The following C8orf89 variants were observed in gnomAD, a reference collection of about 807,000 sequenced individuals.
The protein encoded by C8orf89 is chromosome 8 open reading frame 89, also known as putative uncharacterized protein C8orf89.
A neutral mutation model predicts 15.8 loss-of-function variants in C8orf89; 14 were observed. That is an observed-to-expected ratio of 0.89 (90% CI 0.59 to 1.39). The LOEUF (loss-of-function observed/expected upper bound fraction) is 1.39, where lower values mean the gene tolerates loss of function less well. C8orf89 is among the 40% of genes most tolerant of loss of function. C8orf89 has a pLI of 0.00. For missense variants in C8orf89, 181 were observed against 184.5 expected, an observed-to-expected ratio of 0.98 and a Z score of 0.11; for synonymous variants, 55 against 62.2, an observed-to-expected ratio of 0.88 and a Z score of 0.54.
intron 3 of C8orf89, among the ~76,000 whole-genome samples, chr8:73,241,928 T>A (rs935607380): frequency 6.6e-6 from 1 of 152,092 alleles, no homozygotes; most frequent in African/African-American, 2.4e-5. Flanking sequence ...TTATGGATAT[T>A]ATAAAACTGG....
chr8:73,251,868 A>G (rs1813257258), intron 2 of C8orf89, among the ~76,000 whole-genome samples: 1 of 152,072 alleles, frequency 6.6e-6, no homozygotes, highest in Admixed American at 6.6e-5. Flanking sequence ...AGCCCTGCAC[A>G]CTCCTACCTC....
intron 2 of C8orf89, among the ~76,000 whole-genome samples, chr8:73,255,163 C>T (rs1303848718): frequency 6.6e-5 from 10 of 151,964 alleles, no homozygotes; most frequent in African/African-American, 2.4e-4. Context: ...AAAGAAACTA[C>T]CATCAGAGTG....
upstream of C8orf89, among the ~76,000 whole-genome samples, chr8:73,260,818 T>A (rs1813511540): frequency 6.6e-6 from 1 of 152,076 alleles, no homozygotes. Flanking sequence ...TCTGTGAGGG[T>A]GTTGTCAAAA....
Position 73,241,607 on chromosome 8 carries a change from TGGA to T in C8orf89, c.338-5_338-3del. ...TGAGAGGATCACTGAAGCCAGAACCTGGAGGAGGAGGTGGGGAGTCAGCTATTA... is the reference window on the plus strand; with the variant it reads ...TGAGAGGATCACTGAAGCCAGAACCTGGAGGAGGTGGGGAGTCAGCTATTA... On this transcript the variant is annotated splice_region_variant and splice_polypyrimidine_tract_variant and intron_variant, in intron 3 of 3. Transcript: ENST00000624510. The T allele has an allele frequency of 3.3e-6, 5 of 1,504,732 alleles. No individual in the cohort carries two copies. The highest frequency in any genetic ancestry group is 4.4e-6 in the Non-Finnish European group (5 of 1,131,134). 93.2% of individuals were successfully genotyped at this position (1,504,732 alleles called of 1,614,324 possible). A position where few individuals can be genotyped will look rare whatever the true frequency, so the allele number is the denominator to read the frequency against.
At chr8:73,247,446 G>A (rs969989550) in intron 3 of C8orf89, among the ~76,000 whole-genome samples, 14 of 152,138 alleles carry the variant, frequency 9.2e-5, no homozygotes, top group Non-Finnish European at 1.8e-4. Context: ...ATAGTCCTTT[G>A]GGTACATACC....
At position 73,257,013 on chromosome 8, in the gene C8orf89, T is replaced by C. The variant is rs1171407738; in HGVS notation, c.241A>G (p.Lys81Glu). The change falls in exon 2 of 4, where the codon AAA becomes GAA. Residue 81 changes from lysine to glutamate, a missense_variant. Transcript: ENST00000624510. ...TCGGCATCAGCACGTGGCAGTCTTT[T>C]AGGAACCTCTAGTGGAGTTGAACTT... is the stretch of plus-strand genomic sequence containing the variant. ...SVSSTPLEVPKRLPRADAEVS... is the reference protein window; with the variant it reads ...SVSSTPLEVPERLPRADAEVS... 1.3e-6 allele frequency: 2 copies of C among 1,535,362 alleles called. No homozygotes were observed. Among genetic ancestry groups the C allele is most frequent in the Admixed American group, 2.0e-5 (1 of 50,844 alleles).
At chr8:73,259,205 A>T in intron 1 of C8orf89, 127 bp downstream of exon 1, 1 of 557,468 alleles carries the variant, frequency 1.8e-6, no homozygotes, top group Non-Finnish European at 2.8e-6. Context: ...TTTCTTTTTC[A>T]TCAATTTAAG....
the C8orf89 span, among the ~76,000 whole-genome samples, chr8:73,267,560 C>T: frequency 2.4e-3 from 359 of 152,300 alleles, no homozygotes; most frequent in African/African-American, 8.2e-3. Context: ...AGGAAAGTTT[C>T]TCACAGTATC....
chr8:73,243,237 T>C (rs1332766731), intron 3 of C8orf89, among the ~76,000 whole-genome samples: 2 of 152,096 alleles, frequency 1.3e-5, no homozygotes, highest in African/African-American at 2.4e-5. Context: ...TAAGAACACG[T>C]ATTTGATAGC....
intron 2 of C8orf89, among the ~76,000 whole-genome samples, chr8:73,255,557 C>T (rs1286771424): frequency 3.3e-5 from 5 of 151,670 alleles, no homozygotes; most frequent in Non-Finnish European, 7.4e-5. Flanking sequence ...GTGGCGATTC[C>T]TCAGGGATCT....
At chr8:73,263,239 A>C (rs1190875011), upstream of C8orf89, among the ~76,000 whole-genome samples, 1 of 152,200 alleles carries the variant, frequency 6.6e-6, no homozygotes, top group Non-Finnish European at 1.5e-5. Context: ...TCAGCTGGGC[A>C]TGGTGGCTCA....
chr8:73,274,492 T>C, the C8orf89 span, among the ~76,000 whole-genome samples: 1 of 152,282 alleles, frequency 6.6e-6, no homozygotes, highest in African/African-American at 2.4e-5. Context: ...CTTTAAAAAA[T>C]GCATTGGTAC....
intron 3 of C8orf89, among the ~76,000 whole-genome samples, chr8:73,242,242 C>T (rs1415958841): frequency 1.3e-5 from 2 of 152,098 alleles, no homozygotes; most frequent in Non-Finnish European, 2.9e-5. Flanking sequence ...TTGCAGACTA[C>T]CCATCTGACA....
chr8:73,281,199 T>G, the C8orf89 span, among the ~76,000 whole-genome samples: 1 of 152,110 alleles, frequency 6.6e-6, no homozygotes, highest in Non-Finnish European at 1.5e-5. Context: ...CAGAAGGATC[T>G]CTTGAGCCCA....
chr8:73,265,313 T>C, the C8orf89 span, among the ~76,000 whole-genome samples: 2 of 152,208 alleles, frequency 1.3e-5, no homozygotes, highest in African/African-American at 4.8e-5. Flanking sequence ...ATATCAGGTA[T>C]TTTAGGGCTT....
the C8orf89 span, among the ~76,000 whole-genome samples, chr8:73,273,617 C>T: frequency 1.3e-5 from 2 of 152,128 alleles, no homozygotes; most frequent in Non-Finnish European, 2.9e-5. Context: ...TTGATGGCGG[C>T]AGGAGTCAGG....
At chr8:73,285,653 T>TCCTGG in the C8orf89 span, among the ~76,000 whole-genome samples, 3 of 152,222 alleles carry the variant, frequency 2.0e-5, no homozygotes, top group East Asian at 5.8e-4. Flanking sequence ...TTCTTTGCGA[T>TCCTGG]CCTGGCCGTT....
the C8orf89 span, among the ~76,000 whole-genome samples, chr8:73,284,511 C>T: frequency 6.6e-6 from 1 of 151,996 alleles, no homozygotes; most frequent in South Asian, 2.1e-4. Context: ...CCATGCCTGG[C>T]CCGCTCCATC....
intron 3 of C8orf89, among the ~76,000 whole-genome samples, chr8:73,243,852 C>G (rs1366385208): frequency 6.6e-6 from 1 of 152,046 alleles, no homozygotes; most frequent in South Asian, 2.1e-4. Context: ...TATAAAATGA[C>G]TATGTGCCTC....
Sources: allele counts gnomAD v4.1 joint callset (sites outside exome capture counted in the v4.1 genomes callset), GRCh38; gene constraint gnomAD v4.1.1; transcripts MANE v1.5; gene names NCBI Gene and HGNC (gene_info 2026-07-23, HGNC 2026-07-21).